Variants in KLF7 observed in about 807,000 individuals in gnomAD.
KLF7 encodes the protein Krueppel-like factor 7.
Under a neutral mutation model 27.3 loss-of-function variants are expected in KLF7, and 2 were observed. The ratio of observed to expected loss-of-function variants is 0.07; its 90% CI spans 0.03 to 0.23. The LOEUF (loss-of-function observed/expected upper bound fraction) is 0.23. Among genes scored for constraint, KLF7 ranks in the 10% least tolerant of loss-of-function variants. The pLI, the probability that KLF7 is intolerant of heterozygous loss-of-function variation, is 1.00. For synonymous variants in KLF7, 165 were observed against 162.4 expected (o/e 1.02, Z -0.12); for missense variants, 221 against 394.1 (o/e 0.56, Z 3.72).
intron 1 of KLF7, among the ~76,000 whole-genome samples, chr2:207,129,685 T>C (rs978392432): frequency 1.3e-5 from 2 of 152,212 alleles, no homozygotes; most frequent in African/African-American, 4.8e-5. Flanking sequence ...TTTAAACCTA[T>C]TACTGCCTAC....
intron 1 of KLF7, among the ~76,000 whole-genome samples, chr2:207,137,593 G>A (rs1329023913): frequency 1.3e-5 from 2 of 152,212 alleles, no homozygotes; most frequent in African/African-American, 4.8e-5. Flanking sequence ...ATCCAATTAA[G>A]AGGGTATGGA....
In KLF7 at chr2:207,127,591, T is replaced by G. The variant is rs1335128194; in HGVS notation, c.103-3187A>C. ...GTGCAGTGGCTCATGCCTGTAATCC[T>G]AACACTTTGGGAGGTTGAGGCAGAT... On this transcript the variant is annotated intron_variant, in intron 1 of 3. Coordinates refer to ENST00000309446, the MANE Select transcript of KLF7 (RefSeq NM_003709.4). Among the ~76,000 whole-genome samples the G allele has an allele frequency of 7.2e-5, 11 of 152,166 alleles. 1 individual carries two copies. The East Asian group carries it at 2.1e-3, about 29-fold the overall frequency.
chr2:207,083,583 T>G (rs1166027024), intron 3 of KLF7, among the ~76,000 whole-genome samples: 1 of 152,192 alleles, frequency 6.6e-6, no homozygotes, highest in African/African-American at 2.4e-5. Flanking sequence ...AAGAGAGAAC[T>G]GGGCTGTCAA....
chr2:207,166,857 G>A (rs893278962), upstream of KLF7: 48 of 1,060,278 alleles, frequency 4.5e-5, no homozygotes, highest in Middle Eastern at 4.3e-4. Context: ...GCCACACAAT[G>A]GGAGAGAACA....
intron 1 of KLF7, among the ~76,000 whole-genome samples, chr2:207,146,936 T>C (rs569918539): frequency 6.6e-6 from 1 of 152,258 alleles, no homozygotes; most frequent in East Asian, 1.9e-4. Context: ...AACATATACT[T>C]TCCCATGGTA....
chr2:207,149,065 A>G (rs1460964288), intron 1 of KLF7: 1 of 1,208,774 alleles, frequency 8.3e-7, no homozygotes, highest in African/African-American at 1.6e-5. Flanking sequence ...TGTTCCACCT[A>G]AAGGATGCAG....
chr2:207,154,347 A>G (rs936615630), intron 1 of KLF7, among the ~76,000 whole-genome samples: 11 of 152,360 alleles, frequency 7.2e-5, no homozygotes, highest in African/African-American at 2.4e-4. Context: ...TACGTAAGTC[A>G]TAAGTCAGAC....
At chr2:207,081,305 C>T in intron 3 of KLF7, 41 bp from the exon 4 acceptor site, 1 of 1,512,446 alleles carries the variant, frequency 6.6e-7, no homozygotes. Context: ...GAACTCCCAG[C>T]AAACAGCTTG....
chr2:207,115,468 T>C (rs1442250404), intron 2 of KLF7, among the ~76,000 whole-genome samples: 1 of 152,238 alleles, frequency 6.6e-6, no homozygotes, highest in Non-Finnish European at 1.5e-5. Context: ...CATTGGTGAC[T>C]GAACATGGGG....
At chr2:207,161,981 C>T (rs549677118) in intron 1 of KLF7, among the ~76,000 whole-genome samples, 2 of 152,034 alleles carry the variant, frequency 1.3e-5, no homozygotes, top group Non-Finnish European at 2.9e-5. Flanking sequence ...AGCAAACATG[C>T]GATGCTCCTC....
In KLF7 at chr2:207,080,532, C is replaced by G; in HGVS notation, c.*681G>C. ...GAAAGGTGTAAGGTGTTATTCCAGTCTGCCGCCGCTAAGGCCGTTGGGATC... is the reference window on the plus strand; with the variant it reads ...GAAAGGTGTAAGGTGTTATTCCAGTGTGCCGCCGCTAAGGCCGTTGGGATC... On this transcript the variant is annotated 3_prime_UTR_variant, in exon 4 of 4. Coordinates refer to ENST00000309446, the MANE Select transcript of KLF7 (RefSeq NM_003709.4). The G allele has an allele frequency of 3.6e-6, 1 of 275,130 alleles. No homozygotes were observed. The highest frequency in any genetic ancestry group is 6.1e-5 in the East Asian group (1 of 16,332). The allele number at this position is 275,130 out of a possible 1,614,324, so 17.0% of individuals were successfully genotyped here.
chr2:207,153,755 C>A (rs2078309524), intron 1 of KLF7, among the ~76,000 whole-genome samples: 1 of 152,058 alleles, frequency 6.6e-6, no homozygotes, highest in Non-Finnish European at 1.5e-5. Flanking sequence ...CTTGGGGCAG[C>A]TGGAAAGAGA....
chr2:207,119,791 C>T (rs1009347880), intron 2 of KLF7, among the ~76,000 whole-genome samples: 4 of 152,170 alleles, frequency 2.6e-5, no homozygotes, highest in African/African-American at 7.2e-5. Flanking sequence ...GCAACCTCCG[C>T]CTCCTGGGGT....
chr2:207,172,051 G>C (rs563237109), upstream of KLF7, among the ~76,000 whole-genome samples: 89 of 152,284 alleles, frequency 5.8e-4, no homozygotes, highest in African/African-American at 2.0e-3. Context: ...CTGACATACT[G>C]AGTATTTTGA....
chr2:207,128,148 T>G (rs1448605550), intron 1 of KLF7, among the ~76,000 whole-genome samples: 1 of 152,134 alleles, frequency 6.6e-6, no homozygotes, highest in Non-Finnish European at 1.5e-5. Context: ...AAGTTGAGCC[T>G]AGAATATCAT....
chr2:207,114,936 C>G (rs1290444736), intron 2 of KLF7, among the ~76,000 whole-genome samples: 1 of 151,990 alleles, frequency 6.6e-6, no homozygotes, highest in Non-Finnish European at 1.5e-5. Flanking sequence ...CATTATTTGC[C>G]TGAAAACAAT....
chr2:207,167,094 C>A, upstream of KLF7: 2 of 1,392,834 alleles, frequency 1.4e-6, no homozygotes, highest in South Asian at 1.5e-5. Context: ...GGGGCGCAAG[C>A]TGGAGCCGGC....
chr2:207,161,160 T>C (rs2078534170), intron 1 of KLF7, among the ~76,000 whole-genome samples: 2 of 152,240 alleles, frequency 1.3e-5, no homozygotes, highest in Admixed American at 6.5e-5. Context: ...AATGAATCTA[T>C]TAAAGGCTAA....
chr2:207,123,688 T>TC, intron 2 of KLF7, 86 bp downstream of exon 2: 1 of 1,436,970 alleles, frequency 7.0e-7, no homozygotes, highest in Non-Finnish European at 9.5e-7. Flanking sequence ...GGGGTGCCAC[T>TC]CCTCAGAACA....
Sources: gnomAD v4.1 joint callset for allele counts (sites outside exome capture counted in the v4.1 genomes callset) on GRCh38, gnomAD v4.1.1 for gene constraint, MANE v1.5 for transcripts, NCBI Gene and HGNC (gene_info 2026-07-23, HGNC 2026-07-21) for gene names.